Variants in RBPJ observed in about 807,000 individuals in gnomAD.
The protein encoded by RBPJ is recombination signal binding protein for immunoglobulin kappa J region.
In RBPJ, 9 loss-of-function variants were observed where a neutral mutation model predicts 67.8. That is an observed-to-expected ratio of 0.13 (90% confidence interval 0.08 to 0.23). RBPJ has a LOEUF of 0.23. RBPJ is among the 10% of genes least tolerant of loss of function. The pLI is 1.00. For synonymous variants in RBPJ, 198 were observed against 203.3 expected, an observed-to-expected ratio of 0.97 and a Z score of 0.22; for missense variants, 305 against 595.6, an observed-to-expected ratio of 0.51 and a Z score of 5.08.
In RBPJ at chr4:26,431,079, A is replaced by T; in HGVS notation, c.*72A>T. 7.2e-7 allele frequency: 1 copy of T among 1,396,536 alleles called. No homozygotes were observed. Among genetic ancestry groups the T allele is most frequent in the East Asian group, 2.3e-5 (1 of 43,276 alleles). The allele number at this position is 1,396,536 out of a possible 1,614,324, so 86.5% of individuals were successfully genotyped here. A position where few individuals can be genotyped will look rare whatever the true frequency, so the allele number is the denominator to read the frequency against. ...AGTTAACAAAAAAGGAGAAAAAATG[A>T]ACAATCGTTTGTGGTTTCTTGGGAA... On this transcript the variant is annotated 3_prime_UTR_variant, in exon 11 of 11. Transcript: ENST00000355476.
At chr4:26,167,546 T>A (rs1211652813) in intron 1 of RBPJ, among the ~76,000 whole-genome samples, 3 of 145,356 alleles carry the variant, frequency 2.1e-5, no homozygotes, top group Admixed American at 1.4e-4. Flanking sequence ...AGAATGCTTG[T>A]GATTTTTGTA....
intron 3 of RBPJ, among the ~76,000 whole-genome samples, chr4:26,410,875 ATG>A (rs969494990): frequency 7.2e-5 from 11 of 152,230 alleles, no homozygotes; most frequent in Non-Finnish European, 1.3e-4. Flanking sequence ...AAAATTTTAA[ATG>A]TGTGCATATC....
Position 26,278,114 on chromosome 4 carries a change from T to A in RBPJ, c.-166-84332T>A, listed in dbSNP as rs909309769. ...GACATTCTGATTAGGAACTCTTCGCTGATTCTGCTCCTTTACCTTCTCTGT... is the reference window on the plus strand; with the variant it reads ...GACATTCTGATTAGGAACTCTTCGCAGATTCTGCTCCTTTACCTTCTCTGT... On this transcript the variant is annotated intron_variant, in intron 1 of 4. Transcript: ENST00000512351. Among the ~76,000 whole-genome samples, 82 of 152,348 alleles carry A rather than the reference T, an allele frequency of 5.4e-4. 1 individual carries two copies. The highest frequency in any genetic ancestry group is 4.4e-5 in the Non-Finnish European group (3 of 68,020).
intron 1 of RBPJ, among the ~76,000 whole-genome samples, chr4:26,306,736 A>G (rs1311256517): frequency 6.6e-6 from 1 of 152,086 alleles, no homozygotes; most frequent in Non-Finnish European, 1.5e-5. Flanking sequence ...GGCATGAGTC[A>G]CTGTGCCCGG....
At chr4:26,239,113 A>T (rs773748983) in intron 1 of RBPJ, among the ~76,000 whole-genome samples, 18 of 152,154 alleles carry the variant, frequency 1.2e-4, no homozygotes, top group Non-Finnish European at 2.1e-4. Flanking sequence ...CCTAACTTCC[A>T]AGACCTGCTC....
chr4:26,257,489 T>C (rs568486532), intron 1 of RBPJ, among the ~76,000 whole-genome samples: 1 of 152,146 alleles, frequency 6.6e-6, no homozygotes, highest in African/African-American at 2.4e-5. Flanking sequence ...ATTTGCCGGG[T>C]GTGGTGGTGC....
chr4:26,305,409 G>A lies in RBPJ; in HGVS notation c.-166-57037G>A, dbSNP rs144255177. 3.1e-4 allele frequency among the ~76,000 whole-genome samples: 47 copies of A among 152,284 alleles called. 3 individuals carry two copies. Among genetic ancestry groups the A allele is most frequent in the African/African-American group, 1.1e-3 (45 of 41,556 alleles). ...TTGCATTGAATCTGTGGAATAATTT[G>A]GTGAGTGTTGCCATCTTAATAATAA... On this transcript the variant is annotated intron_variant, in intron 1 of 4. Coordinates refer to the RBPJ transcript ENST00000512351.
intron 1 of RBPJ, among the ~76,000 whole-genome samples, chr4:26,371,101 A>G (rs1034949181): frequency 9.2e-5 from 14 of 152,142 alleles, no homozygotes; most frequent in African/African-American, 2.4e-4. Flanking sequence ...AAAAAATTGA[A>G]AAGTTAATGT....
At chr4:26,321,789 C>T (rs576610544) in intron 1 of RBPJ, 1 of 152,372 alleles carries the variant, frequency 6.6e-6, no homozygotes, top group Non-Finnish European at 1.5e-5. Flanking sequence ...TTGATTTATC[C>T]ACAACCCACG....
intron 2 of RBPJ, among the ~76,000 whole-genome samples, chr4:26,395,575 A>G (rs895830797): frequency 1.3e-5 from 2 of 152,158 alleles, no homozygotes; most frequent in Admixed American, 6.6e-5. Flanking sequence ...GGTGGGGTCT[A>G]ATGGGAGGTG....
At chr4:26,213,019 C>T (rs538983792) in intron 1 of RBPJ, among the ~76,000 whole-genome samples, 64 of 152,274 alleles carry the variant, frequency 4.2e-4, no homozygotes, top group Middle Eastern at 3.4e-3. Context: ...TTCCAGACCA[C>T]GTACTATGTG....
intron 1 of RBPJ, among the ~76,000 whole-genome samples, chr4:26,183,736 G>A (rs1022851502): frequency 1.3e-5 from 2 of 152,302 alleles, no homozygotes; most frequent in East Asian, 1.9e-4. Flanking sequence ...GTAGCCGGGC[G>A]TGGTCGCTCA....
chr4:26,270,401 GAAAGAAAGAAAGAAAGAAA>G (rs1720857583), intron 1 of RBPJ, among the ~76,000 whole-genome samples: 1 of 59,924 alleles, frequency 1.7e-5, no homozygotes, highest in Non-Finnish European at 4.0e-5. Flanking sequence ...AAGAAAGAAA[GAAAGAAAGAAAGAAAGAAA>G]GAAAGAAAGA....
chr4:26,167,790 G>A (rs1716378724), intron 1 of RBPJ, among the ~76,000 whole-genome samples: 1 of 149,850 alleles, frequency 6.7e-6, no homozygotes, highest in Non-Finnish European at 1.5e-5. Flanking sequence ...TCCCTGTCTT[G>A]TGCCAGTTTT....
At chr4:26,173,772 T>G (rs191869121) in intron 1 of RBPJ, among the ~76,000 whole-genome samples, 1 of 152,344 alleles carries the variant, frequency 6.6e-6, no homozygotes, top group Non-Finnish European at 1.5e-5. Context: ...ATGTGTATAC[T>G]CTGCATCTCC....
At chr4:26,177,616 G>GA (rs1716840609) in intron 1 of RBPJ, among the ~76,000 whole-genome samples, 1 of 149,436 alleles carries the variant, frequency 6.7e-6, no homozygotes, top group East Asian at 2.0e-4. Context: ...GAGAAGGAAA[G>GA]AAAAAAAGAA....
the RBPJ span, among the ~76,000 whole-genome samples, chr4:26,141,946 A>T: frequency 3.3e-5 from 5 of 152,378 alleles, no homozygotes; most frequent in South Asian, 1.0e-3. Flanking sequence ...CGGAATTTGC[A>T]TGCAGAGTGT....
rs115775250 is a variant in RBPJ, at chr4:26,416,535, A to G, written c.321+895A>G. Among the ~76,000 whole-genome samples, 1,246 of 152,254 alleles carry G rather than the reference A, an allele frequency of 8.2e-3. 23 individuals are homozygous for G. The highest frequency in any genetic ancestry group is 0.029 in the African/African-American group (1,198 of 41,536). ...GTGTGCCACCGTGTCCAGCCAATCTATACTTTTAGTATTGAAAGATAGTTT... is the reference window on the plus strand; with the variant it reads ...GTGTGCCACCGTGTCCAGCCAATCTGTACTTTTAGTATTGAAAGATAGTTT... On this transcript the variant is annotated intron_variant, in intron 4 of 10. Transcript: ENST00000355476.
intron 1 of RBPJ, among the ~76,000 whole-genome samples, chr4:26,364,311 A>G (rs1216331100): frequency 6.6e-6 from 1 of 152,260 alleles, no homozygotes; most frequent in Non-Finnish European, 1.5e-5. Context: ...TCAAGTTCCA[A>G]GATAGAATCA....
Sources: allele counts gnomAD v4.1 joint callset (sites outside exome capture counted in the v4.1 genomes callset), GRCh38; gene constraint gnomAD v4.1.1; transcripts MANE v1.5; gene names NCBI Gene and HGNC (gene_info 2026-07-23, HGNC 2026-07-21).